The following ADAMTSL1 variants were observed in gnomAD, a reference collection of about 807,000 sequenced individuals.
ADAMTSL1 encodes the protein ADAMTS like 1, also known as ADAMTS-like protein 1.
In ADAMTSL1, 126 loss-of-function variants were observed where a neutral mutation model predicts 201.8. The observed-to-expected ratio is 0.62, with a 90% confidence interval of 0.54 to 0.72. The LOEUF is 0.72. ADAMTSL1 is among the 30% of genes least tolerant of loss of function. The pLI is 0.00. For missense variants in ADAMTSL1, 2,679 were observed against 2,277.8 expected (o/e 1.18, Z -3.59); for synonymous variants, 1,121 against 903.4 (o/e 1.24, Z -4.32).
intron 16 of ADAMTSL1, among the ~76,000 whole-genome samples, chr9:18,766,218 A>AAAG (rs1401464239): frequency 6.6e-6 from 1 of 152,206 alleles, no homozygotes; most frequent in Non-Finnish European, 1.5e-5. Flanking sequence ...ATGAATTAAT[A>AAAG]AAGTTGGAAG....
intron 2 of ADAMTSL1, among the ~76,000 whole-genome samples, chr9:18,441,775 G>A (rs1015969763): frequency 6.6e-6 from 1 of 152,146 alleles, no homozygotes; most frequent in South Asian, 2.1e-4. Flanking sequence ...CAGCCTGGGA[G>A]GGATAACATT....
In ADAMTSL1 at chr9:17,957,865, A is replaced by T. The variant is rs563847252; in HGVS notation, c.87+50943A>T. Among the ~76,000 whole-genome samples, 12 of 152,218 alleles carry T rather than the reference A, an allele frequency of 7.9e-5. No homozygotes were observed. The South Asian group carries it at 2.5e-3, about 32-fold the overall frequency. On this transcript the variant is annotated intron_variant, in intron 1 of 29. Transcript: ENST00000680146. ...CTGGGAGTCACCCAAAGCTAAGAAG[A>T]GGAGAGGAAGAATCCTTTTCTAGAT...
At chr9:18,147,822 G>A (rs906919592) in intron 1 of ADAMTSL1, among the ~76,000 whole-genome samples, 2 of 152,166 alleles carry the variant, frequency 1.3e-5, no homozygotes, top group Non-Finnish European at 2.9e-5. Flanking sequence ...ACAGTTCAGA[G>A]CACATCATTA....
At chr9:18,726,491 A>G (rs1345604010) in intron 15 of ADAMTSL1, among the ~76,000 whole-genome samples, 1 of 151,798 alleles carries the variant, frequency 6.6e-6, no homozygotes, top group African/African-American at 2.4e-5. Context: ...TGCCTGGGTA[A>G]CAGAGTGAGA....
chr9:18,255,417 T>G (rs933706689), intron 2 of ADAMTSL1, among the ~76,000 whole-genome samples: 2 of 152,122 alleles, frequency 1.3e-5, no homozygotes, highest in African/African-American at 4.8e-5. Context: ...AGGTTTCACA[T>G]GTCAGTACTT....
chr9:18,422,075 T>G (rs1818979578), intron 2 of ADAMTSL1, among the ~76,000 whole-genome samples: 1 of 152,190 alleles, frequency 6.6e-6, no homozygotes, highest in South Asian at 2.1e-4. Context: ...CTCTTATAAC[T>G]GCATCCAGCT....
intron 2 of ADAMTSL1, among the ~76,000 whole-genome samples, chr9:18,337,051 G>T (rs1392924315): frequency 6.6e-6 from 1 of 152,076 alleles, no homozygotes; most frequent in Admixed American, 6.6e-5. Context: ...TTGATCCTAG[G>T]TGTGTCTGTG....
intron 4 of ADAMTSL1, among the ~76,000 whole-genome samples, chr9:18,607,614 A>G (rs1044572139): frequency 1.3e-5 from 2 of 152,044 alleles, no homozygotes; most frequent in Admixed American, 6.6e-5. Flanking sequence ...TTTAGGGTAC[A>G]TGTGCACAAC....
chr9:18,860,324 G>C (rs1427642367), intron 23 of ADAMTSL1, among the ~76,000 whole-genome samples: 1 of 152,156 alleles, frequency 6.6e-6, no homozygotes, highest in Non-Finnish European at 1.5e-5. Context: ...CCCTCGACCA[G>C]GGGTTGGTCC....
At chr9:18,854,113 C>T (rs898687423) in intron 23 of ADAMTSL1, among the ~76,000 whole-genome samples, 1 of 152,076 alleles carries the variant, frequency 6.6e-6, no homozygotes, top group Non-Finnish European at 1.5e-5. Context: ...TGACTCTCAT[C>T]TCCTATAATT....
At chr9:18,759,824 A>T (rs10429480) in intron 16 of ADAMTSL1, among the ~76,000 whole-genome samples, 2 of 151,950 alleles carry the variant, frequency 1.3e-5, no homozygotes, top group South Asian at 2.1e-4. Context: ...AGAAAGCTTG[A>T]GACTAGATGA....
chr9:17,979,604 G>T (rs1381970978), intron 1 of ADAMTSL1, among the ~76,000 whole-genome samples: 1 of 151,404 alleles, frequency 6.6e-6, no homozygotes, highest in Non-Finnish European at 1.5e-5. Flanking sequence ...TCTTAAGACA[G>T]TGACTTTGAA....
chr9:18,128,931 C>T (rs549034278), intron 1 of ADAMTSL1, among the ~76,000 whole-genome samples: 1 of 152,102 alleles, frequency 6.6e-6, no homozygotes, highest in South Asian at 2.1e-4. Flanking sequence ...AAAGAAAGAA[C>T]CTATATTTTG....
In ADAMTSL1 at chr9:18,121,565, A is replaced by G. The variant is rs571039196; in HGVS notation, c.88-42297A>G. On this transcript the variant is annotated intron_variant, in intron 1 of 29. Transcript: ENST00000680146. ...GAACACTTAAGAAATACCAACAACT[A>G]TAAGGAAAAGTTATTTGAAATCCCA... Among the ~76,000 whole-genome samples, 6 of 152,326 alleles carry G rather than the reference A, an allele frequency of 3.9e-5. No individual in the cohort carries two copies. The South Asian group carries it at 1.2e-3, about 32-fold the overall frequency.
At chr9:18,593,700 T>C (rs1344070708) in intron 4 of ADAMTSL1, among the ~76,000 whole-genome samples, 3 of 152,154 alleles carry the variant, frequency 2.0e-5, no homozygotes, top group Non-Finnish European at 2.9e-5. Flanking sequence ...TTAATTTCCA[T>C]GTGTTTGTAT....
chr9:18,503,888 T>C (rs1233568793), intron 1 of ADAMTSL1, among the ~76,000 whole-genome samples: 2 of 152,184 alleles, frequency 1.3e-5, no homozygotes, highest in East Asian at 3.9e-4. Flanking sequence ...AGGATCCCAT[T>C]ACTACAAAAT....
intron 2 of ADAMTSL1, among the ~76,000 whole-genome samples, chr9:18,204,570 A>T (rs1829575970): frequency 1.3e-5 from 2 of 152,162 alleles, no homozygotes; most frequent in Admixed American, 1.3e-4. Flanking sequence ...AAGTCCAGTG[A>T]CTTTCATGCC....
At chr9:18,295,624 C>T (rs1342038641) in intron 2 of ADAMTSL1, among the ~76,000 whole-genome samples, 1 of 152,162 alleles carries the variant, frequency 6.6e-6, no homozygotes, top group Non-Finnish European at 1.5e-5. Flanking sequence ...AGGCATGAGC[C>T]ACGGTGCCCG....
intron 2 of ADAMTSL1, among the ~76,000 whole-genome samples, chr9:18,217,961 A>C (rs1830114994): frequency 6.6e-6 from 1 of 152,084 alleles, no homozygotes; most frequent in South Asian, 2.1e-4. Flanking sequence ...TGGAATTTGA[A>C]GTTCTTTTTA....
Sources: gnomAD v4.1 joint callset for allele counts (sites outside exome capture counted in the v4.1 genomes callset) on GRCh38, gnomAD v4.1.1 for gene constraint, MANE v1.5 for transcripts, NCBI Gene and HGNC (gene_info 2026-07-23, HGNC 2026-07-21) for gene names.